Variants in SGK1 observed in about 807,000 individuals in gnomAD.
SGK1 encodes the protein serine/threonine-protein kinase Sgk1.
In SGK1, 26 loss-of-function variants were observed where a neutral mutation model predicts 64.2. The ratio of observed to expected loss-of-function variants is 0.40; its 90% CI spans 0.30 to 0.56. The LOEUF (loss-of-function observed/expected upper bound fraction) is 0.56. SGK1 is among the 20% of genes least tolerant of loss of function. The pLI, the probability that SGK1 is intolerant of heterozygous loss-of-function variation, is 0.38. For missense variants in SGK1, 519 were observed against 645.6 expected (o/e 0.80, Z 2.12); for synonymous variants, 265 against 239.7 (o/e 1.11, Z -0.98).
intron 2 of SGK1, among the ~76,000 whole-genome samples, chr6:134,208,821 T>C (rs144538652): frequency 1.3e-3 from 200 of 149,724 alleles, no homozygotes; most frequent in African/African-American, 4.7e-3. Flanking sequence ...CATACACGCA[T>C]GTATATATAT....
chr6:134,244,175 A>G (rs1582738399), intron 2 of SGK1, among the ~76,000 whole-genome samples: 1 of 143,900 alleles, frequency 6.9e-6, no homozygotes, highest in Admixed American at 6.9e-5. Context: ...CCCTGTACCC[A>G]TATGTTCTCA....
chr6:134,235,934 T>A (rs969057275), intron 2 of SGK1, among the ~76,000 whole-genome samples: 1 of 152,100 alleles, frequency 6.6e-6, no homozygotes. Flanking sequence ...GTATTTCTAA[T>A]TAACTAATTT....
chr6:134,300,537 CAAAAA>C (rs112943044), intron 1 of SGK1, among the ~76,000 whole-genome samples: 4 of 86,302 alleles, frequency 4.6e-5, no homozygotes, highest in African/African-American at 9.3e-5. Flanking sequence ...GACTCTGTCT[CAAAAA>C]AAAAAAAAAA....
chr6:134,213,327 G>A (rs1429792230), intron 2 of SGK1, among the ~76,000 whole-genome samples: 2 of 151,998 alleles, frequency 1.3e-5, no homozygotes, highest in African/African-American at 4.8e-5. Flanking sequence ...TTTGAGACCA[G>A]CCTGGCCAAC....
chr6:134,186,886 G>A (rs1047693968), intron 3 of SGK1, among the ~76,000 whole-genome samples: 7 of 150,736 alleles, frequency 4.6e-5, no homozygotes, highest in Non-Finnish European at 7.4e-5. Flanking sequence ...GTGTGATCTC[G>A]GCTTGCTGCA....
intron 2 of SGK1, among the ~76,000 whole-genome samples, chr6:134,219,920 G>C (rs966756338): frequency 2.1e-5 from 3 of 145,870 alleles, no homozygotes; most frequent in African/African-American, 5.0e-5. Flanking sequence ...TTAGCCGGGC[G>C]TAGGGGCGGG....
rs1483953874 is a variant in SGK1, at chr6:134,317,516, T to A, written c.-56A>T. ...TCCAGGTTGGCACCCGCCTGGTTAG[T>A]GCATATCTGTTTCCCCGGTTTACCT... On this transcript the variant is annotated 5_prime_UTR_variant, in exon 1 of 14. Transcript: ENST00000367858. 15 of 1,032,264 alleles carry A rather than the reference T, an allele frequency of 1.5e-5. No homozygotes were observed. Among genetic ancestry groups the A allele is most frequent in the Non-Finnish European group, 2.0e-5 (13 of 648,624 alleles). 63.9% of individuals were successfully genotyped at this position (1,032,264 alleles called of 1,614,324 possible). A position where few individuals can be genotyped will look rare whatever the true frequency, so the allele number is the denominator to read the frequency against.
At chr6:134,232,417 A>AAGAAAGAGAGAGAGAGAGAGAG (rs1562259716) in intron 2 of SGK1, among the ~76,000 whole-genome samples, 1 of 21,506 alleles carries the variant, frequency 4.6e-5, no homozygotes, top group Non-Finnish European at 1.1e-4. Context: ...AAGAAAGAGA[A>AAGAAAGAGAGAGAGAGAGAGAG]AGAAAGAAAG....
At position 134,282,615 on chromosome 6, in the gene SGK1, C is replaced by T. The variant is rs549932054; in HGVS notation, c.70-20467G>A. 1.1e-4 allele frequency among the ~76,000 whole-genome samples: 16 copies of T among 150,812 alleles called. No homozygotes were observed. In the South Asian group the frequency reaches 2.1e-3, roughly 20 times the overall value. On this transcript the variant is annotated intron_variant, in intron 1 of 13. Transcript: ENST00000367858. ...TTGCAGTGAGCTGAGATCACACCAC[C>T]GCACTCCAGCCTGGGCAACAGAGTG...
chr6:134,208,481 C>A (rs1302557334), intron 2 of SGK1, among the ~76,000 whole-genome samples: 2 of 151,858 alleles, frequency 1.3e-5, no homozygotes, highest in East Asian at 3.9e-4. Flanking sequence ...CACCCAACAC[C>A]CAAGCAGTGT....
rs1775810442 is a variant in SGK1, at chr6:134,207,350, T to G, written c.361+6A>C. 1 of 1,591,784 alleles carries G rather than the reference T, an allele frequency of 6.3e-7. No individual in the cohort carries two copies. Among genetic ancestry groups the G allele is most frequent in the African/African-American group, 1.3e-5 (1 of 74,580 alleles). On this transcript the variant is annotated splice_donor_region_variant and intron_variant, in intron 3 of 13. Transcript: ENST00000367858. ...CAGGAAACAGGTTGTATTTTTCCAA[T>G]AATACCTGGATCATCATTAGTCCAG...
In SGK1 at chr6:134,203,520, T is replaced by A. The variant is rs148727594; in HGVS notation, c.361+3836A>T. Among the ~76,000 whole-genome samples the A allele has an allele frequency of 1.5e-3, 233 of 151,968 alleles. 2 individuals are homozygous for A. The highest frequency in any genetic ancestry group is 4.9e-3 in the African/African-American group (203 of 41,450). On this transcript the variant is annotated intron_variant, in intron 3 of 13. Transcript: ENST00000367858. The stretch of plus-strand genomic sequence containing the variant: ...ACATCACAAGTAAAAAAAACAGAGA[T>A]CATTAGATAGGATTTTAAGAGGAAA...
At chr6:134,226,434 G>A (rs1043898604) in intron 2 of SGK1, among the ~76,000 whole-genome samples, 11 of 151,614 alleles carry the variant, frequency 7.3e-5, no homozygotes, top group Admixed American at 3.3e-4. Context: ...GTGCAGTGGC[G>A]CATGCTATAA....
chr6:134,183,048 T>C (rs1408973635), intron 3 of SGK1, among the ~76,000 whole-genome samples: 1 of 152,158 alleles, frequency 6.6e-6, no homozygotes, highest in Non-Finnish European at 1.5e-5. Flanking sequence ...CTTATCGTGC[T>C]TTTTCTAGGT....
intron 1 of SGK1, among the ~76,000 whole-genome samples, chr6:134,283,902 A>C (rs1777139172): frequency 6.9e-6 from 1 of 145,690 alleles, no homozygotes; most frequent in South Asian, 2.2e-4. Context: ...AAAAAAAAAA[A>C]AAAAGCCTGA....
chr6:134,231,698 T>C lies in SGK1; in HGVS notation c.286-24267A>G, dbSNP rs781422202. On this transcript the variant is annotated intron_variant, in intron 2 of 13. Transcript: ENST00000367858. ...GGTACTTAATGCAGAAATGGTTGAG[T>C]AAAGTATGGCATATCCACTATTTAC... 6.5e-4 allele frequency among the ~76,000 whole-genome samples: 99 copies of C among 152,220 alleles called. 1 individual carries two copies. Among genetic ancestry groups the C allele is most frequent in the Non-Finnish European group, 1.2e-4 (8 of 68,036 alleles).
At chr6:134,224,658 C>A (rs1463529953) in intron 2 of SGK1, among the ~76,000 whole-genome samples, 2 of 152,140 alleles carry the variant, frequency 1.3e-5, no homozygotes, top group African/African-American at 4.8e-5. Context: ...CAATATACTG[C>A]AAGTGTCCTT....
intron 2 of SGK1, among the ~76,000 whole-genome samples, chr6:134,219,474 T>G (rs562447931): frequency 3.3e-5 from 5 of 152,120 alleles, no homozygotes; most frequent in Admixed American, 6.6e-5. Context: ...TCAAAACATA[T>G]AATTGGCCAG....
At chr6:134,237,951 C>A (rs9376020) in intron 2 of SGK1, among the ~76,000 whole-genome samples, 26,201 of 152,062 alleles carry the variant, frequency 0.17, 3,043 homozygotes, top group East Asian at 0.46. Context: ...ATATGAGTCA[C>A]AAAATTTTAT....
Sources: allele counts gnomAD v4.1 joint callset (sites outside exome capture counted in the v4.1 genomes callset), GRCh38; gene constraint gnomAD v4.1.1; transcripts MANE v1.5; gene names NCBI Gene and HGNC (gene_info 2026-07-23, HGNC 2026-07-21).